Variants in PPP1R12B observed in about 807,000 individuals in gnomAD.
The protein encoded by PPP1R12B is myosin phosphatase target subunit 2.
PPP1R12B carries 76 observed loss-of-function variants against 126.1 expected under a neutral mutation model. That is an observed-to-expected ratio of 0.60 (90% CI 0.50 to 0.73). The LOEUF (loss-of-function observed/expected upper bound fraction) is 0.73, where lower values mean the gene tolerates loss of function less well. PPP1R12B is among the 30% of genes least tolerant of loss of function. PPP1R12B has a pLI of 0.00. For missense variants in PPP1R12B, 1,052 were observed against 1,205.1 expected (o/e 0.87, Z 1.88); for synonymous variants, 356 against 434.7 (o/e 0.82, Z 2.25).
At chr1:202,568,505 G>A (rs900454714) in intron 22 of PPP1R12B, among the ~76,000 whole-genome samples, 4 of 152,166 alleles carry the variant, frequency 2.6e-5, no homozygotes, top group Non-Finnish European at 4.4e-5. Context: ...AATTTGGAAA[G>A]CAGCTAAGTT....
At chr1:202,377,534 G>A (rs1239175910) in intron 1 of PPP1R12B, among the ~76,000 whole-genome samples, 1 of 151,896 alleles carries the variant, frequency 6.6e-6, no homozygotes, top group African/African-American at 2.4e-5. Flanking sequence ...TCGATCTCCC[G>A]ACACCATGAT....
rs576654978 is a variant in PPP1R12B at position 202,495,776 on chromosome 1, T to C, written c.2448+94T>C. On this transcript the variant is annotated intron_variant, in intron 17 of 23. Coordinates refer to ENST00000608999, the MANE Select transcript of PPP1R12B (RefSeq NM_002481.4). ...AAAGAAAGAGTCCCGCATGGTGCCATGAATCTTGCAGTTTCTCAGGAAGTA... is the reference window on the plus strand; with the variant it reads ...AAAGAAAGAGTCCCGCATGGTGCCACGAATCTTGCAGTTTCTCAGGAAGTA... 1,221 of 1,098,690 alleles carry C rather than the reference T, an allele frequency of 1.1e-3. 5 individuals carry two copies. The highest frequency in any genetic ancestry group is 1.3e-3 in the Non-Finnish European group (992 of 745,242). The allele number at this position is 1,098,690 out of a possible 1,614,324, so 68.1% of individuals were successfully genotyped here.
At chr1:202,377,836 T>TG (rs1319548334) in intron 1 of PPP1R12B, among the ~76,000 whole-genome samples, 41 of 43,050 alleles carry the variant, frequency 9.5e-4, no homozygotes, top group Admixed American at 3.4e-3. Flanking sequence ...ACAGGTGTTT[T>TG]TTTTTTTTTT....
At chr1:202,485,430 C>T (rs1572231883) in intron 13 of PPP1R12B, among the ~76,000 whole-genome samples, 1 of 151,866 alleles carries the variant, frequency 6.6e-6, no homozygotes, top group East Asian at 1.9e-4. Context: ...GCAGGGGGTG[C>T]TCAAGGTGAG....
intron 1 of PPP1R12B, among the ~76,000 whole-genome samples, chr1:202,381,648 A>G (rs1210700154): frequency 6.6e-6 from 1 of 152,190 alleles, no homozygotes; most frequent in Non-Finnish European, 1.5e-5. Flanking sequence ...CAAGAAGGAA[A>G]GTCAGTATTG....
chr1:202,529,467 G>A (rs536622902), intron 18 of PPP1R12B, among the ~76,000 whole-genome samples: 72 of 152,188 alleles, frequency 4.7e-4, no homozygotes, highest in African/African-American at 1.6e-3. Context: ...ATTGCTTTTC[G>A]TAGGGCCTTT....
At chr1:202,516,604 G>A (rs1046717822) in intron 18 of PPP1R12B, among the ~76,000 whole-genome samples, 3 of 151,970 alleles carry the variant, frequency 2.0e-5, no homozygotes, top group Admixed American at 6.5e-5. Context: ...CTTGTGGGCA[G>A]AGCTCCAAGA....
intron 18 of PPP1R12B, among the ~76,000 whole-genome samples, chr1:202,510,165 A>G (rs1249483944): frequency 6.6e-6 from 1 of 152,216 alleles, no homozygotes; most frequent in Admixed American, 6.5e-5. Context: ...TTATTTAGGC[A>G]GTTTATGTAT....
intron 1 of PPP1R12B, among the ~76,000 whole-genome samples, chr1:202,350,672 GT>G (rs1409098979): frequency 6.6e-6 from 1 of 151,162 alleles, no homozygotes; most frequent in Non-Finnish European, 1.5e-5. Context: ...CCAGGCTGGA[GT>G]GCAATGGCGA....
intron 23 of PPP1R12B, chr1:202,576,319 T>C (rs924970003): frequency 2.6e-5 from 4 of 152,184 alleles, no homozygotes; most frequent in Non-Finnish European, 2.9e-5. Context: ...TATGATGGGG[T>C]CACCACTCCT....
chr1:202,373,291 G>C (rs1660617848), intron 1 of PPP1R12B, among the ~76,000 whole-genome samples: 1 of 152,084 alleles, frequency 6.6e-6, no homozygotes, highest in Non-Finnish European at 1.5e-5. Context: ...ACACTATAAA[G>C]TTTTTAATTT....
At chr1:202,420,403 AG>A (rs1478108631) in intron 2 of PPP1R12B, among the ~76,000 whole-genome samples, 1 of 152,236 alleles carries the variant, frequency 6.6e-6, no homozygotes, top group Non-Finnish European at 1.5e-5. Context: ...AAGAAGTGAA[AG>A]GTTTCTACAA....
intron 23 of PPP1R12B, chr1:202,575,252 G>T (rs763566093): frequency 1.5e-5 from 21 of 1,390,946 alleles, no homozygotes; most frequent in Admixed American, 2.3e-5. Flanking sequence ...TCCATATGCA[G>T]GTTCCTGCAA....
intron 13 of PPP1R12B, among the ~76,000 whole-genome samples, chr1:202,483,867 A>T (rs368501185): frequency 5.9e-5 from 9 of 152,286 alleles, no homozygotes; most frequent in African/African-American, 2.2e-4. Context: ...TCAATGTCTG[A>T]TGACCTTCTT....
intron 18 of PPP1R12B, among the ~76,000 whole-genome samples, chr1:202,555,422 A>C (rs1312790286): frequency 6.7e-6 from 1 of 149,804 alleles, no homozygotes; most frequent in Non-Finnish European, 1.5e-5. Flanking sequence ...AAGATATAGT[A>C]AAATCTTACC....
intron 1 of PPP1R12B, among the ~76,000 whole-genome samples, chr1:202,377,497 GGTTTCACCGTGTTAGCCAGGAT>G (rs1217413657): frequency 1.8e-4 from 27 of 151,876 alleles, no homozygotes; most frequent in Non-Finnish European, 8.8e-5. Context: ...GTAGAGACGG[GGTTTCACCGTGTTAGCCAGGAT>G]GGTCTCGATC....
intron 18 of PPP1R12B, among the ~76,000 whole-genome samples, chr1:202,551,687 GGGT>G (rs1393250448): frequency 2.6e-5 from 4 of 152,288 alleles, no homozygotes; most frequent in Non-Finnish European, 5.9e-5. Context: ...AGGTTTTCCT[GGGT>G]GGGCCTGAGC....
intron 1 of PPP1R12B, among the ~76,000 whole-genome samples, chr1:202,376,003 ATC>A (rs1371763173): frequency 1.3e-5 from 2 of 152,248 alleles, no homozygotes; most frequent in Non-Finnish European, 2.9e-5. Flanking sequence ...CTATGGCAGT[ATC>A]TATTAAGTCT....
chr1:202,399,053 A>G (rs538990124), intron 1 of PPP1R12B, among the ~76,000 whole-genome samples: 1 of 152,214 alleles, frequency 6.6e-6, no homozygotes, highest in Admixed American at 6.5e-5. Context: ...GTGATTATCA[A>G]TGTGTGGATT....
Sources: gnomAD v4.1 joint callset for allele counts (sites outside exome capture counted in the v4.1 genomes callset) on GRCh38, gnomAD v4.1.1 for gene constraint, MANE v1.5 for transcripts, NCBI Gene and HGNC (gene_info 2026-07-23, HGNC 2026-07-21) for gene names.